Variants in SUZ12 observed in about 807,000 individuals in gnomAD.
SUZ12 encodes polycomb protein SUZ12.
In SUZ12, 17 loss-of-function variants were observed where a neutral mutation model predicts 87.3. The observed-to-expected ratio is 0.19, with a 90% CI of 0.13 to 0.29. SUZ12 has a LOEUF of 0.29. Ranked by LOEUF, SUZ12 falls within the 10% of genes least tolerant of loss-of-function variation. SUZ12 has a pLI of 1.00. For synonymous variants in SUZ12, 253 were observed against 312.4 expected, an observed-to-expected ratio of 0.81 and a Z score of 2.01; for missense variants, 526 against 912.2, an observed-to-expected ratio of 0.58 and a Z score of 5.45.
At chr17:31,982,497 A>G (rs201459601) in intron 8 of SUZ12, among the ~76,000 whole-genome samples, 13 of 152,124 alleles carry the variant, frequency 8.5e-5, no homozygotes, top group East Asian at 1.9e-4. Flanking sequence ...CATCTCTACT[A>G]AAAATACAAA....
In SUZ12 at chr17:31,945,607, C is replaced by T. The variant is rs146174917; in HGVS notation, c.387-2010C>T. Among the ~76,000 whole-genome samples, 571 of 152,280 alleles carry T rather than the reference C, an allele frequency of 3.7e-3. 3 individuals carry two copies. The highest frequency in any genetic ancestry group is 5.9e-3 in the Non-Finnish European group (400 of 68,034). On this transcript the variant is annotated intron_variant, in intron 3 of 15. Transcript: ENST00000322652. ...CTTCTTTAAATCTGACCTACAGTAA[C>T]ATTACCTTTCTAAAGAACAGAAATC...
At chr17:31,939,173 G>A (rs1474287548) in intron 1 of SUZ12, among the ~76,000 whole-genome samples, 2 of 152,052 alleles carry the variant, frequency 1.3e-5, no homozygotes, top group Non-Finnish European at 2.9e-5. Flanking sequence ...ATGTATTGAG[G>A]TAATATTTAT....
intron 4 of SUZ12, among the ~76,000 whole-genome samples, chr17:31,948,806 A>G (rs1906782498): frequency 1.3e-5 from 2 of 152,170 alleles, no homozygotes; most frequent in Admixed American, 1.3e-4. Flanking sequence ...GAGATCCTGA[A>G]TTGTTACCTG....
At chr17:31,958,193 C>T (rs981428614) in intron 4 of SUZ12, among the ~76,000 whole-genome samples, 4 of 152,036 alleles carry the variant, frequency 2.6e-5, no homozygotes, top group African/African-American at 4.8e-5. Context: ...TGAGCCACCG[C>T]GCCCAGCCCC....
chr17:31,996,355 C>G (rs1598191746), intron 14 of SUZ12, among the ~76,000 whole-genome samples: 1 of 152,318 alleles, frequency 6.6e-6, no homozygotes, highest in East Asian at 1.9e-4. Flanking sequence ...TGGCTCACAC[C>G]TGTAATCCCA....
chr17:31,957,895 CTTTTTTTTTT>C (rs1181314058), intron 4 of SUZ12, among the ~76,000 whole-genome samples: 30 of 91,330 alleles, frequency 3.3e-4, no homozygotes, highest in African/African-American at 1.2e-3. Flanking sequence ...ACCTTTTGTC[CTTTTTTTTTT>C]TTTTTTTTTT....
intron 10 of SUZ12, among the ~76,000 whole-genome samples, chr17:31,990,949 A>T (rs989953577): frequency 6.6e-6 from 1 of 151,814 alleles, no homozygotes; most frequent in Non-Finnish European, 1.5e-5. Flanking sequence ...GGATTTTGCC[A>T]TCACCCATGC....
chr17:31,988,958 G>C (rs1305495631), intron 10 of SUZ12, among the ~76,000 whole-genome samples: 1 of 151,628 alleles, frequency 6.6e-6, no homozygotes, highest in Non-Finnish European at 1.5e-5. Context: ...TGTAGTCCCA[G>C]CTACTTGGGA....
intron 4 of SUZ12, among the ~76,000 whole-genome samples, chr17:31,955,876 C>A (rs1162347795): frequency 6.6e-6 from 1 of 151,780 alleles, no homozygotes; most frequent in African/African-American, 2.4e-5. Context: ...ACCATTACAC[C>A]CAGCCTGTTG....
intron 10 of SUZ12, among the ~76,000 whole-genome samples, chr17:31,990,339 T>C (rs1326582885): frequency 6.6e-6 from 1 of 151,500 alleles, no homozygotes; most frequent in Non-Finnish European, 1.5e-5. Context: ...CTGGACCTCC[T>C]GACGTCGTGC....
At chr17:31,978,002 C>T (rs74636693) in intron 8 of SUZ12, among the ~76,000 whole-genome samples, 3 of 152,108 alleles carry the variant, frequency 2.0e-5, no homozygotes, top group Non-Finnish European at 2.9e-5. Context: ...TGTTTGGAAA[C>T]GAAATATTTT....
intron 3 of SUZ12, among the ~76,000 whole-genome samples, chr17:31,944,376 C>A (rs1331437331): frequency 6.6e-6 from 1 of 152,168 alleles, no homozygotes; most frequent in Admixed American, 6.5e-5. Flanking sequence ...GATCTGCCCA[C>A]CTCGGACTCC....
chr17:31,987,278 T>G (rs1909469942), intron 9 of SUZ12, among the ~76,000 whole-genome samples: 1 of 152,204 alleles, frequency 6.6e-6, no homozygotes, highest in African/African-American at 2.4e-5. Flanking sequence ...TAAACATGTT[T>G]TAGTTCAAGG....
chr17:31,956,788 A>AT (rs959127216), intron 4 of SUZ12, among the ~76,000 whole-genome samples: 2 of 151,624 alleles, frequency 1.3e-5, no homozygotes, highest in Non-Finnish European at 2.9e-5. Flanking sequence ...GTATATATAT[A>AT]TATTTTTTGG....
Position 31,963,494 on chromosome 17 carries a change from T to G in SUZ12, c.456-2653T>G, listed in dbSNP as rs544505498. Among the ~76,000 whole-genome samples, 10 of 146,170 alleles carry G rather than the reference T, an allele frequency of 6.8e-5. No homozygotes were observed. The South Asian group carries it at 1.5e-3, about 22-fold the overall frequency. ...TTGTGGTGGTGGTTCTTAGGTATTT[T>G]TTTTGTTTTGTTTTGTTTTTTGAGA... On this transcript the variant is annotated intron_variant, in intron 4 of 15. Coordinates refer to ENST00000322652, the MANE Select transcript of SUZ12 (RefSeq NM_015355.4).
chr17:31,949,111 T>G (rs1906797683), intron 4 of SUZ12, among the ~76,000 whole-genome samples: 1 of 152,202 alleles, frequency 6.6e-6, no homozygotes, highest in Admixed American at 6.6e-5. Context: ...TGGACCCTTC[T>G]CTTCATCTTC....
At chr17:31,993,450 C>G in intron 11 of SUZ12, 117 bp downstream of exon 11, 1 of 781,230 alleles carries the variant, frequency 1.3e-6, no homozygotes, top group Non-Finnish European at 2.0e-6. Flanking sequence ...GAGACAGGAT[C>G]TCACTTTTTT....
chr17:31,955,034 G>A (rs1185447260), intron 4 of SUZ12, among the ~76,000 whole-genome samples: 4 of 152,126 alleles, frequency 2.6e-5, no homozygotes, highest in Admixed American at 2.0e-4. Context: ...TCACCCACAC[G>A]GGAGTGCAGT....
At chr17:31,977,534 T>C (rs1908831282) in intron 8 of SUZ12, among the ~76,000 whole-genome samples, 1 of 152,020 alleles carries the variant, frequency 6.6e-6, no homozygotes, top group Non-Finnish European at 1.5e-5. Flanking sequence ...TGCCTTGGCC[T>C]CCCAAAGTGC....
Sources: allele counts gnomAD v4.1 joint callset (sites outside exome capture counted in the v4.1 genomes callset), GRCh38; gene constraint gnomAD v4.1.1; transcripts MANE v1.5; gene names NCBI Gene and HGNC (gene_info 2026-07-23, HGNC 2026-07-21).